JPH2: variants seen among roughly 807,000 people sequenced by gnomAD.
The protein encoded by JPH2 is junctophilin-2.
A neutral mutation model predicts 55.9 loss-of-function variants in JPH2; 38 were observed. The ratio of observed to expected loss-of-function variants is 0.68; its 90% confidence interval spans 0.52 to 0.89. JPH2 has a LOEUF of 0.89. JPH2 is among the 40% of genes least tolerant of loss of function. The probability of loss-of-function intolerance (pLI) is 0.00; values close to 1 mark genes in which losing one functional copy is unlikely to be tolerated. For synonymous variants in JPH2, 480 were observed against 472.4 expected (o/e 1.02, Z -0.21); for missense variants, 964 against 1,037.6 (o/e 0.93, Z 0.97).
chr20:44,108,133 A>C lies in JPH2; in HGVS notation c.*5385T>G, dbSNP rs1432975913. On this transcript the variant is annotated 3_prime_UTR_variant, in exon 6 of 6. Coordinates refer to ENST00000372980, the MANE Select transcript of JPH2 (RefSeq NM_020433.5). Reference sequence around the variant, plus strand: ...CTCTACATAATGAAGTCCCAATAAAAACTCTGGACACTGAAGCACTGGTTA... The same window carrying C: ...CTCTACATAATGAAGTCCCAATAAACACTCTGGACACTGAAGCACTGGTTA... 6.6e-6 allele frequency among the ~76,000 whole-genome samples: 1 copy of C among 152,148 alleles called. No homozygotes were observed. The highest frequency in any genetic ancestry group is 1.5e-5 in the Non-Finnish European group (1 of 68,022).
In JPH2 at chr20:44,133,952, T is replaced by A. The variant is rs375785954; in HGVS notation, c.1170-15329A>T. Among the ~76,000 whole-genome samples, 27 of 19,626 alleles carry A rather than the reference T, an allele frequency of 1.4e-3. 7 individuals are homozygous for A. The highest frequency in any genetic ancestry group is 5.7e-3 in the African/African-American group (24 of 4,180). 12.9% of individuals were successfully genotyped at this position (19,626 alleles called of 152,430 possible). ...AATATATATTTATTATAAATATATATAAATAAATATATATTATAATATATA... is the reference window on the plus strand; with the variant it reads ...AATATATATTTATTATAAATATATAAAAATAAATATATATTATAATATATA... On this transcript the variant is annotated intron_variant, in intron 2 of 5. Transcript: ENST00000372980.
intron 2 of JPH2, among the ~76,000 whole-genome samples, chr20:44,143,184 G>A (rs1369181451): frequency 1.3e-5 from 2 of 152,180 alleles, no homozygotes; most frequent in Non-Finnish European, 2.9e-5. Flanking sequence ...GCAAATGATG[G>A]GGAGAGTGGT....
At chr20:44,116,625 C>T (rs1209934934) in intron 3 of JPH2, among the ~76,000 whole-genome samples, 1 of 152,242 alleles carries the variant, frequency 6.6e-6, no homozygotes, top group African/African-American at 2.4e-5. Flanking sequence ...GAGGTTAAAT[C>T]ACTTGCCCAA....
chr20:44,146,779 G>T (rs531674048), intron 2 of JPH2, among the ~76,000 whole-genome samples: 2 of 152,328 alleles, frequency 1.3e-5, no homozygotes, highest in East Asian at 3.9e-4. Context: ...AAAATTTTTT[G>T]AGTTTGGCAA....
At chr20:44,179,155 C>A (rs1275730245) in intron 1 of JPH2, among the ~76,000 whole-genome samples, 1 of 152,124 alleles carries the variant, frequency 6.6e-6, no homozygotes, top group East Asian at 1.9e-4. Context: ...ACATGCCATA[C>A]CCTGTTCTAA....
intron 2 of JPH2, among the ~76,000 whole-genome samples, chr20:44,119,708 C>T (rs2072220619): frequency 6.6e-6 from 1 of 152,042 alleles, no homozygotes; most frequent in African/African-American, 2.4e-5. Flanking sequence ...CCCATCTCTA[C>T]TAAAAAATAC....
intron 1 of JPH2, among the ~76,000 whole-genome samples, chr20:44,181,369 A>G (rs1400926000): frequency 6.6e-6 from 1 of 152,206 alleles, no homozygotes; most frequent in African/African-American, 2.4e-5. Context: ...GTGCATATAT[A>G]TGTGTATCTC....
At chr20:44,150,342 A>C (rs1167384117) in intron 2 of JPH2, among the ~76,000 whole-genome samples, 1 of 152,268 alleles carries the variant, frequency 6.6e-6, no homozygotes, top group Non-Finnish European at 1.5e-5. Flanking sequence ...AATAAGTATA[A>C]AATTGTACAC....
intron 2 of JPH2, among the ~76,000 whole-genome samples, chr20:44,135,327 A>C (rs1426817344): frequency 6.6e-6 from 1 of 152,106 alleles, no homozygotes; most frequent in African/African-American, 2.4e-5. Context: ...TCTGACTCCA[A>C]ACTCAACCTT....
chr20:44,136,741 T>A (rs1454285863), intron 2 of JPH2, among the ~76,000 whole-genome samples: 1 of 152,164 alleles, frequency 6.6e-6, no homozygotes, highest in African/African-American at 2.4e-5. Flanking sequence ...CACTTCCAAC[T>A]TGCATGATCT....
At chr20:44,129,699 T>A (rs563299346) in intron 2 of JPH2, among the ~76,000 whole-genome samples, 61 of 152,262 alleles carry the variant, frequency 4.0e-4, no homozygotes, top group African/African-American at 1.3e-3. Context: ...TGTTACCTTC[T>A]ATGGCAAAGA....
intron 5 of JPH2, 30 bp downstream of exon 5, chr20:44,114,752 C>T (rs1222031053): frequency 6.5e-7 from 1 of 1,536,256 alleles, no homozygotes; most frequent in South Asian, 1.2e-5. Context: ...CTCCTGCCCC[C>T]CAACCCCTCC....
chr20:44,177,525 G>T, intron 1 of JPH2: 1 of 1,074,710 alleles, frequency 9.3e-7, no homozygotes, highest in Non-Finnish European at 1.1e-6. Flanking sequence ...TCTGCTAAGG[G>T]TCTGCTGTGC....
chr20:44,154,136 G>A (rs967431694), intron 2 of JPH2, among the ~76,000 whole-genome samples: 1 of 152,158 alleles, frequency 6.6e-6, no homozygotes, highest in Non-Finnish European at 1.5e-5. Flanking sequence ...CAACTGCTCA[G>A]TGACAGGGTT....
chr20:44,174,121 C>T (rs4812791), intron 1 of JPH2, among the ~76,000 whole-genome samples: 54,196 of 152,016 alleles, frequency 0.36, 10,420 homozygotes, highest in Admixed American at 0.52. Context: ...CAGTGTTGTG[C>T]GTGAGAAAAT....
chr20:44,130,811 C>T (rs1335423131), intron 2 of JPH2, among the ~76,000 whole-genome samples: 2 of 152,176 alleles, frequency 1.3e-5, no homozygotes, highest in Non-Finnish European at 2.9e-5. Flanking sequence ...CAGGTGCACA[C>T]CTATTATTTT....
intron 2 of JPH2, among the ~76,000 whole-genome samples, chr20:44,155,579 C>G (rs1338278146): frequency 6.6e-6 from 1 of 152,122 alleles, no homozygotes; most frequent in Non-Finnish European, 1.5e-5. Context: ...TGTCTGAATT[C>G]CAAAGGATGG....
At chr20:44,114,562 G>A (rs2072171563) in intron 5 of JPH2, among the ~76,000 whole-genome samples, 2 of 126,164 alleles carry the variant, frequency 1.6e-5, no homozygotes, top group South Asian at 5.9e-4. Context: ...AGCTAATGAA[G>A]TAAGTGTGTG....
chr20:44,119,143 A>G (rs2072216286), intron 2 of JPH2, among the ~76,000 whole-genome samples: 1 of 152,244 alleles, frequency 6.6e-6, no homozygotes, highest in African/African-American at 2.4e-5. Flanking sequence ...TTTCCAAAAT[A>G]TTTAAAAGAA....
Sources: allele counts gnomAD v4.1 joint callset (sites outside exome capture counted in the v4.1 genomes callset), GRCh38; gene constraint gnomAD v4.1.1; transcripts MANE v1.5; gene names NCBI Gene and HGNC (gene_info 2026-07-23, HGNC 2026-07-21).